Variants in SVIL observed in about 807,000 individuals in gnomAD.
SVIL encodes archvillin.
A neutral mutation model predicts 240.4 loss-of-function variants in SVIL; 101 were observed. The observed-to-expected ratio is 0.42, with a 90% CI of 0.36 to 0.50. The LOEUF (loss-of-function observed/expected upper bound fraction) is 0.50. Ranked by LOEUF, SVIL falls within the 20% of genes least tolerant of loss-of-function variation. The pLI, the probability that SVIL is intolerant of heterozygous loss-of-function variation, is 0.01. For missense variants in SVIL, 2,512 were observed against 2,818.7 expected (o/e 0.89, Z 2.46); for synonymous variants, 999 against 1,100.0 (o/e 0.91, Z 1.82).
At chr10:29,521,244 AG>A (rs1284845375) in intron 16 of SVIL, among the ~76,000 whole-genome samples, 1 of 151,086 alleles carries the variant, frequency 6.6e-6, no homozygotes, top group African/African-American at 2.4e-5. Context: ...AAAAAAAAAA[AG>A]GAAAGAAGGA....
In SVIL at chr10:29,486,431, C is replaced by T; in HGVS notation, c.4612G>A (p.Gly1538Ser). 1 of 1,614,098 alleles carries T rather than the reference C, an allele frequency of 6.2e-7. No individual in the cohort carries two copies. Among genetic ancestry groups the T allele is most frequent in the Middle Eastern group, 1.7e-4 (1 of 6,050 alleles). ...TTACATTGGTAACTGGTTTGGCCAC[C>T]CAGAAGCTTCCAGAAGTCTTTGGCT... ...HAAKDFWKLL[G>S]GQTSYQSAGD... Residue 1538 changes from glycine (G) to serine (S), a missense_variant, in exon 25 of 38, where the codon GGT becomes AGT. Coordinates refer to ENST00000355867, the MANE Select transcript of SVIL (RefSeq NM_021738.3).
At chr10:29,563,947 C>T (rs1396585373) in intron 2 of SVIL, among the ~76,000 whole-genome samples, 2 of 151,936 alleles carry the variant, frequency 1.3e-5, no homozygotes, top group Admixed American at 1.3e-4. Flanking sequence ...TCCTTATCTC[C>T]CCATGTATCC....
chr10:29,468,795 AG>A (rs1945229188), intron 32 of SVIL: 1 of 152,144 alleles, frequency 6.6e-6, no homozygotes, highest in South Asian at 2.1e-4. Context: ...TGTGTGGTGG[AG>A]GAGGGGAAGT....
At chr10:29,654,568 T>C (rs1315301694) in intron 3 of SVIL, among the ~76,000 whole-genome samples, 1 of 152,204 alleles carries the variant, frequency 6.6e-6, no homozygotes, top group Non-Finnish European at 1.5e-5. Context: ...CACAATACTG[T>C]ATTAGTCAGG....
chr10:29,498,088 C>CA (rs34280398), intron 18 of SVIL, among the ~76,000 whole-genome samples: 4,921 of 37,360 alleles, frequency 0.13, 679 homozygotes, highest in Non-Finnish European at 0.2. Context: ...TCCCCTCCAC[C>CA]AAAAAAAAAA....
chr10:29,713,050 G>C (rs922648640), intron 1 of SVIL, among the ~76,000 whole-genome samples: 10 of 151,980 alleles, frequency 6.6e-5, no homozygotes, highest in Non-Finnish European at 1.5e-5. Flanking sequence ...GTGGTGGCGG[G>C]CACCTATAAT....
chr10:29,711,432 G>C (rs1327077582), intron 1 of SVIL, among the ~76,000 whole-genome samples: 2 of 89,324 alleles, frequency 2.2e-5, no homozygotes, highest in African/African-American at 1.1e-4. Context: ...GAAAACAAAT[G>C]CCACCAACAA....
intron 1 of SVIL, among the ~76,000 whole-genome samples, chr10:29,698,581 T>C (rs1470556875): frequency 1.3e-5 from 2 of 150,786 alleles, no homozygotes; most frequent in Non-Finnish European, 2.9e-5. Flanking sequence ...CTGGAAACTT[T>C]CCATTTTATT....
At chr10:29,594,559 CTTTTTT>C (rs34870351) in intron 1 of SVIL, among the ~76,000 whole-genome samples, 54 of 140,600 alleles carry the variant, frequency 3.8e-4, no homozygotes, top group African/African-American at 1.3e-3. Flanking sequence ...AATTTTTTTT[CTTTTTT>C]TTTTTTTTTG....
chr10:29,639,029 A>G (rs923777735), upstream of SVIL, among the ~76,000 whole-genome samples: 2 of 152,224 alleles, frequency 1.3e-5, no homozygotes, highest in Non-Finnish European at 2.9e-5. Flanking sequence ...TCTTGGGCTT[A>G]TGTGATCCTC....
intron 30 of SVIL, among the ~76,000 whole-genome samples, chr10:29,473,204 C>G (rs1367148737): frequency 6.6e-6 from 1 of 152,082 alleles, no homozygotes; most frequent in African/African-American, 2.4e-5. Context: ...GCCGCTTAGA[C>G]TGCAGTGTGT....
At chr10:29,594,543 C>T (rs1412011348) in intron 1 of SVIL, among the ~76,000 whole-genome samples, 1 of 146,092 alleles carries the variant, frequency 6.8e-6, no homozygotes. Context: ...ATCTCTGTAC[C>T]TTCTTAATTT....
chr10:29,529,620 C>A, intron 12 of SVIL, 85 bp downstream of exon 12: 1 of 1,433,122 alleles, frequency 7.0e-7, no homozygotes, highest in Non-Finnish European at 9.2e-7. Flanking sequence ...CTCCCCAATG[C>A]CTCATTTTCA....
intron 36 of SVIL, among the ~76,000 whole-genome samples, chr10:29,461,160 G>GTGAT (rs1944212655): frequency 6.6e-6 from 1 of 152,172 alleles, no homozygotes; most frequent in Non-Finnish European, 1.5e-5. Context: ...GCTTGTCTCA[G>GTGAT]TGATTGGCTT....
At chr10:29,585,761 G>A (rs1185170740) in intron 1 of SVIL, among the ~76,000 whole-genome samples, 1 of 152,206 alleles carries the variant, frequency 6.6e-6, no homozygotes, top group Non-Finnish European at 1.5e-5. Context: ...TCTGGAGGGA[G>A]GGGAGAACTG....
At chr10:29,463,199 G>A (rs1406861798) in intron 35 of SVIL, among the ~76,000 whole-genome samples, 1 of 152,202 alleles carries the variant, frequency 6.6e-6, no homozygotes, top group South Asian at 2.1e-4. Flanking sequence ...GTTTTAATCT[G>A]CCTGGGGCAT....
chr10:29,500,584 T>A (rs1219302094), intron 17 of SVIL, among the ~76,000 whole-genome samples: 4 of 152,134 alleles, frequency 2.6e-5, no homozygotes, highest in Admixed American at 6.5e-5. Flanking sequence ...ACTCCACACC[T>A]TCTTCTAGGA....
At chr10:29,663,608 G>A (rs2133042166) in intron 2 of SVIL, among the ~76,000 whole-genome samples, 1 of 152,292 alleles carries the variant, frequency 6.6e-6, no homozygotes, top group Non-Finnish European at 1.5e-5. Flanking sequence ...TGCCCTGCTT[G>A]GCCTCCCAAA....
At chr10:29,649,422 C>A (rs1958768971) in intron 3 of SVIL, among the ~76,000 whole-genome samples, 1 of 152,114 alleles carries the variant, frequency 6.6e-6, no homozygotes, top group South Asian at 2.1e-4. Flanking sequence ...ATTACAACCA[C>A]AAAGTTTTGT....
Sources: gnomAD v4.1 joint callset for allele counts (sites outside exome capture counted in the v4.1 genomes callset) on GRCh38, gnomAD v4.1.1 for gene constraint, MANE v1.5 for transcripts, NCBI Gene and HGNC (gene_info 2026-07-23, HGNC 2026-07-21) for gene names.